Variants in STXBP5 observed in about 807,000 individuals in gnomAD.
The protein encoded by STXBP5 is syntaxin-binding protein 5.
Under a neutral mutation model 152.4 loss-of-function variants are expected in STXBP5, and 50 were observed. That is an observed-to-expected ratio of 0.33 (90% CI 0.26 to 0.42). The LOEUF (loss-of-function observed/expected upper bound fraction) is 0.42. Ranked by LOEUF, STXBP5 falls within the 10% of genes least tolerant of loss-of-function variation. The pLI, the probability that STXBP5 is intolerant of heterozygous loss-of-function variation, is 1.00. For missense variants in STXBP5, 1,167 were observed against 1,388.6 expected (o/e 0.84, Z 2.54); for synonymous variants, 492 against 494.7 (o/e 0.99, Z 0.07).
At chr6:147,239,791 T>C (rs1264192686) in intron 4 of STXBP5, among the ~76,000 whole-genome samples, 2 of 152,230 alleles carry the variant, frequency 1.3e-5, no homozygotes, top group Non-Finnish European at 2.9e-5. Flanking sequence ...TGTCTACATA[T>C]ACAAGTATAT....
Position 147,262,331 on chromosome 6 carries a change from A to G in STXBP5, c.608A>G (p.Asp203Gly). 6.4e-7 allele frequency: 1 copy of G among 1,566,310 alleles called. No homozygotes were observed. Among genetic ancestry groups the G allele is most frequent in the Non-Finnish European group, 8.6e-7 (1 of 1,161,512 alleles). The change falls in exon 6 of 28, where the codon GAT becomes GGT. Residue 203 changes from aspartate (D) to glycine (G), a missense_variant. Physicochemically the swap from Asp to Gly is moderately conservative, Grantham distance 94. This residue lies in a region of STXBP5 where 310 missense variants were observed against 346.1 expected (regional missense o/e 0.90). Transcript: ENST00000321680. ...SHPGPVVHIS[D>G]NPMDEGKLLI... ...CCAGGACCTGTGGTCCATATAAGTGATAATCCAATGGACGAGGGAAAGGTA... is the reference window on the plus strand; with the variant it reads ...CCAGGACCTGTGGTCCATATAAGTGGTAATCCAATGGACGAGGGAAAGGTA...
chr6:147,358,118 A>G lies in STXBP5; in HGVS notation c.2306-966A>G, dbSNP rs371599862. 3.9e-5 allele frequency among the ~76,000 whole-genome samples: 6 copies of G among 152,166 alleles called. No homozygotes were observed. The East Asian group carries it at 7.7e-4, about 20-fold the overall frequency. On this transcript the variant is annotated intron_variant, in intron 22 of 27. Coordinates refer to ENST00000321680, the MANE Select transcript of STXBP5 (RefSeq NM_001127715.4). The stretch of plus-strand genomic sequence containing the variant: ...TTGTACATTTTGGTGAAAATGCCTT[A>G]AGTGAATGTGGATTGCAGTTAAAAT...
intron 2 of STXBP5, among the ~76,000 whole-genome samples, chr6:147,224,352 G>A (rs766469193): frequency 7.9e-5 from 12 of 152,202 alleles, no homozygotes; most frequent in Non-Finnish European, 1.3e-4. Context: ...TTTCACAGCC[G>A]GGAGGCAGAG....
At chr6:147,311,339 C>A in intron 10 of STXBP5, 116 bp from the exon 11 acceptor site, 2 of 843,082 alleles carry the variant, frequency 2.4e-6, no homozygotes, top group Non-Finnish European at 3.8e-6. Flanking sequence ...ATCATAGGAT[C>A]AGAATGTTAA....
intron 21 of STXBP5, among the ~76,000 whole-genome samples, chr6:147,348,244 T>G (rs1009395237): frequency 2.0e-5 from 3 of 152,142 alleles, no homozygotes; most frequent in Non-Finnish European, 4.4e-5. Flanking sequence ...GCACAGTTCT[T>G]CTGCCTGCCA....
intron 4 of STXBP5, among the ~76,000 whole-genome samples, chr6:147,251,391 A>G (rs1311814923): frequency 2.0e-5 from 3 of 152,180 alleles, no homozygotes; most frequent in Non-Finnish European, 4.4e-5. Context: ...AGCTAGCTAC[A>G]GGAGTTTTTT....
At chr6:147,206,198 T>C (rs1456118280) in intron 2 of STXBP5, 130 bp downstream of exon 2, 1 of 704,716 alleles carries the variant, frequency 1.4e-6, no homozygotes, top group Admixed American at 3.0e-5. Flanking sequence ...TGAGAAATCA[T>C]GTGTTGGCTT....
Position 147,334,219 on chromosome 6 carries a change from T to G in STXBP5, c.2143T>G (p.Ser715Ala). 2.5e-6 allele frequency: 4 copies of G among 1,611,268 alleles called. No individual in the cohort carries two copies. Among genetic ancestry groups the G allele is most frequent in the Non-Finnish European group, 3.4e-6 (4 of 1,178,904 alleles). ...VPEDRCKSPT[S>A]GSSSPHNSDD... ...AGAGGATCGCTGCAAATCTCCAACC[T>G]CTGGTAATTTGGTTTTTTTTTATTT... is the stretch of plus-strand genomic sequence containing the variant. Residue 715 changes from serine (S) to alanine (A), a missense_variant, in exon 19 of 28, where the codon TCT becomes GCT. Around this residue, in one of 3 missense-constraint regions of STXBP5, gnomAD observed 833 missense variants for 986.3 expected, o/e 0.84. Coordinates refer to ENST00000321680, the MANE Select transcript of STXBP5 (RefSeq NM_001127715.4).
chr6:147,365,507 T>C (rs1355016239), intron 25 of STXBP5, among the ~76,000 whole-genome samples: 5 of 152,200 alleles, frequency 3.3e-5, no homozygotes, highest in Non-Finnish European at 5.9e-5. Flanking sequence ...GTTGGTGTTT[T>C]CTTTAATTAT....
At chr6:147,323,620 G>A (rs1783054988) in intron 16 of STXBP5, among the ~76,000 whole-genome samples, 1 of 152,126 alleles carries the variant, frequency 6.6e-6, no homozygotes, top group Non-Finnish European at 1.5e-5. Flanking sequence ...TCGAACTCTT[G>A]ACCTTAAGTG....
intron 9 of STXBP5, among the ~76,000 whole-genome samples, chr6:147,308,175 T>C (rs1170194155): frequency 2.0e-5 from 3 of 152,216 alleles, no homozygotes; most frequent in Non-Finnish European, 4.4e-5. Flanking sequence ...CAGTTGTATG[T>C]TGCATCTCAA....
chr6:147,222,049 T>C (rs942057782), intron 2 of STXBP5, among the ~76,000 whole-genome samples: 4 of 152,100 alleles, frequency 2.6e-5, no homozygotes, highest in African/African-American at 9.7e-5. Context: ...CTATGGAGTC[T>C]GTCAAAGGCA....
At chr6:147,270,360 C>T (rs1780101259) in intron 7 of STXBP5, among the ~76,000 whole-genome samples, 1 of 145,826 alleles carries the variant, frequency 6.9e-6, no homozygotes, top group African/African-American at 2.6e-5. Context: ...AATCACACCA[C>T]TGCACTCCAC....
chr6:147,367,814 C>T (rs1245194212), intron 25 of STXBP5, among the ~76,000 whole-genome samples: 2 of 151,818 alleles, frequency 1.3e-5, no homozygotes, highest in African/African-American at 4.8e-5. Flanking sequence ...CTATTAATAT[C>T]AGTAATAAGA....
At chr6:147,238,114 A>G (rs956194984) in intron 3 of STXBP5, among the ~76,000 whole-genome samples, 4 of 152,176 alleles carry the variant, frequency 2.6e-5, no homozygotes, top group African/African-American at 9.7e-5. Flanking sequence ...TTCTGTTGCT[A>G]CAACTGAATA....
At chr6:147,348,950 T>C (rs12191720) in intron 21 of STXBP5, among the ~76,000 whole-genome samples, 62,196 of 151,976 alleles carry the variant, frequency 0.41, 14,613 homozygotes, top group Non-Finnish European at 0.52. Flanking sequence ...GTAGGAAATA[T>C]GCAAAAATGT....
intron 17 of STXBP5, among the ~76,000 whole-genome samples, chr6:147,325,728 T>C (rs1582947458): frequency 1.3e-5 from 2 of 152,284 alleles, no homozygotes; most frequent in East Asian, 1.9e-4. Context: ...TCATGTGTAG[T>C]TCATTGTCTC....
intron 9 of STXBP5, among the ~76,000 whole-genome samples, chr6:147,306,558 A>C (rs1782104259): frequency 6.6e-6 from 1 of 152,162 alleles, no homozygotes; most frequent in African/African-American, 2.4e-5. Flanking sequence ...GATTCTAGAG[A>C]TCCTAATGGA....
chr6:147,375,795 G>T (rs1440833003), intron 26 of STXBP5, among the ~76,000 whole-genome samples: 1 of 151,742 alleles, frequency 6.6e-6, no homozygotes, highest in African/African-American at 2.4e-5. Context: ...CTTTAATGTG[G>T]CTAGAGAAAA....
Sources: allele counts gnomAD v4.1 joint callset (sites outside exome capture counted in the v4.1 genomes callset), GRCh38; gene constraint gnomAD v4.1.1; regional missense constraint gnomAD v4.1.1; transcripts MANE v1.5; gene names NCBI Gene and HGNC (gene_info 2026-07-23, HGNC 2026-07-21).